Variants in KCNK13 observed in about 807,000 individuals in gnomAD.
KCNK13 encodes the protein potassium two pore domain channel subfamily K member 13.
A neutral mutation model predicts 23.4 loss-of-function variants in KCNK13; 12 were observed. That is an observed-to-expected ratio of 0.51 (90% CI 0.33 to 0.83). KCNK13 has a LOEUF of 0.83. Ranked by LOEUF, KCNK13 falls within the 40% of genes least tolerant of loss-of-function variation. The pLI is 0.02. For synonymous variants in KCNK13, 231 were observed against 229.5 expected (o/e 1.01, Z -0.06); for missense variants, 463 against 556.3 (o/e 0.83, Z 1.69).
chr14:90,074,658 G>T lies in KCNK13; in HGVS notation c.334+12119G>T, dbSNP rs147817593. Among the ~76,000 whole-genome samples, 1,180 of 152,156 alleles carry T rather than the reference G, an allele frequency of 7.8e-3. 19 individuals carry two copies. The highest frequency in any genetic ancestry group is 0.027 in the African/African-American group (1,137 of 41,514). The stretch of plus-strand genomic sequence containing the variant: ...TTTCTCCTTTTTATTTGTTGTTTCT[G>T]TATATCCTGGTGTCTGTATTTATTT... On this transcript the variant is annotated intron_variant, in intron 1 of 1. Transcript: ENST00000282146.
chr14:90,090,271 A>C (rs1237928713), intron 1 of KCNK13, among the ~76,000 whole-genome samples: 2 of 152,264 alleles, frequency 1.3e-5, no homozygotes, highest in African/African-American at 4.8e-5. Flanking sequence ...CTCTTGCATC[A>C]GCATGACCTG....
At chr14:90,134,639 T>C (rs1230005510) in intron 1 of KCNK13, among the ~76,000 whole-genome samples, 1 of 152,204 alleles carries the variant, frequency 6.6e-6, no homozygotes, top group Non-Finnish European at 1.5e-5. Flanking sequence ...TTTACATTAG[T>C]ATAGGATAAT....
At chr14:90,067,155 GC>G (rs1277888548) in intron 1 of KCNK13, among the ~76,000 whole-genome samples, 39 of 152,232 alleles carry the variant, frequency 2.6e-4, no homozygotes, top group African/African-American at 9.2e-4. Flanking sequence ...TGTAGTCCCA[GC>G]TACTTGGGAG....
intron 1 of KCNK13, among the ~76,000 whole-genome samples, chr14:90,104,683 C>T (rs1467417626): frequency 6.6e-6 from 1 of 151,056 alleles, no homozygotes. Context: ...CCAAGGGAGA[C>T]GCCATCCTAC....
At chr14:90,078,610 A>T (rs1889170381) in intron 1 of KCNK13, among the ~76,000 whole-genome samples, 1 of 151,636 alleles carries the variant, frequency 6.6e-6, no homozygotes, top group East Asian at 1.9e-4. Context: ...AAAGAAAGAG[A>T]GGGAGGGAAG....
At chr14:90,091,407 C>G (rs998308294) in intron 1 of KCNK13, among the ~76,000 whole-genome samples, 2 of 152,108 alleles carry the variant, frequency 1.3e-5, no homozygotes, top group African/African-American at 4.8e-5. Context: ...GACCCACTAA[C>G]TGGAAATGGT....
chr14:90,123,463 A>G (rs1278638889), intron 1 of KCNK13, among the ~76,000 whole-genome samples: 1 of 152,118 alleles, frequency 6.6e-6, no homozygotes, highest in African/African-American at 2.4e-5. Flanking sequence ...TCTTGTTTTC[A>G]TTTAAGTACC....
At chr14:90,068,456 G>A (rs1435924389) in intron 1 of KCNK13, among the ~76,000 whole-genome samples, 2 of 152,100 alleles carry the variant, frequency 1.3e-5, no homozygotes, top group Non-Finnish European at 2.9e-5. Flanking sequence ...AAATTAGCCA[G>A]GTGTGGTGGT....
rs1443777060 is a variant in KCNK13, at chr14:90,141,027, C to CT, written c.335-43084_335-43083insT. Reference sequence around the variant, plus strand: ...ATGAGAAGGAAGGGCGTCACTCCGCCACCTGCCACCCCATCCCCTGGAAAT... The same window carrying CT: ...ATGAGAAGGAAGGGCGTCACTCCGCCTACCTGCCACCCCATCCCCTGGAAAT... On this transcript the variant is annotated intron_variant, in intron 1 of 1. Transcript: ENST00000282146. 2.6e-5 allele frequency among the ~76,000 whole-genome samples: 4 copies of CT among 152,174 alleles called. No individual in the cohort carries two copies. The East Asian group carries it at 7.7e-4, about 29-fold the overall frequency.
intron 1 of KCNK13, among the ~76,000 whole-genome samples, chr14:90,104,791 CTTT>C (rs66511223): frequency 3.5e-5 from 4 of 113,510 alleles, no homozygotes; most frequent in Non-Finnish European, 3.5e-5. Context: ...CTTTTCTTTT[CTTT>C]TTTTTTTTTT....
chr14:90,130,179 C>CATTTATTTATTTATTTATTT lies in KCNK13; in HGVS notation c.335-53915_335-53896dup, dbSNP rs60505302. Among the ~76,000 whole-genome samples the CATTTATTTATTTATTTATTT allele has an allele frequency of 1.0e-3, 147 of 142,148 alleles. 1 individual carries two copies. The highest frequency in any genetic ancestry group is 1.3e-3 in the Non-Finnish European group (87 of 65,870). 93.3% of individuals were successfully genotyped at this position (142,148 alleles called of 152,430 possible). ...AGAACTGGAAGAAGATGGAGAAGGA[C>CATTTATTTATTTATTTATTT]ATTTATTTATTTATTTATTTATTTA... is the stretch of plus-strand genomic sequence containing the variant. On this transcript the variant is annotated intron_variant, in intron 1 of 1. Coordinates refer to ENST00000282146, the MANE Select transcript of KCNK13 (RefSeq NM_022054.4).
intron 1 of KCNK13, among the ~76,000 whole-genome samples, chr14:90,142,146 C>G (rs539262787): frequency 5.9e-5 from 9 of 151,958 alleles, no homozygotes; most frequent in Non-Finnish European, 1.2e-4. Flanking sequence ...GCGATCTGCT[C>G]TCTGTCACTA....
At chr14:90,168,847 G>A (rs4904637) in intron 1 of KCNK13, among the ~76,000 whole-genome samples, 36,374 of 152,106 alleles carry the variant, frequency 0.24, 5,695 homozygotes, top group East Asian at 0.64. Flanking sequence ...GTGGGGCCAG[G>A]TGGAGATAAT....
intron 1 of KCNK13, among the ~76,000 whole-genome samples, chr14:90,142,109 C>T (rs1890015018): frequency 6.6e-6 from 1 of 151,388 alleles, no homozygotes; most frequent in Non-Finnish European, 1.5e-5. Flanking sequence ...GTAGCTCACC[C>T]CTCCCTTCCC....
intron 1 of KCNK13, among the ~76,000 whole-genome samples, chr14:90,078,211 G>A (rs1889162801): frequency 6.6e-6 from 1 of 152,120 alleles, no homozygotes; most frequent in African/African-American, 2.4e-5. Flanking sequence ...ACCTAAGTCA[G>A]GAGTTTGAGA....
chr14:90,126,572 C>A (rs371490430), intron 1 of KCNK13, among the ~76,000 whole-genome samples: 2 of 152,030 alleles, frequency 1.3e-5, no homozygotes, highest in East Asian at 1.9e-4. Flanking sequence ...GAGATGGAGT[C>A]TCGCTCTGTC....
At chr14:90,151,165 A>G (rs1890130607) in intron 1 of KCNK13, among the ~76,000 whole-genome samples, 1 of 152,196 alleles carries the variant, frequency 6.6e-6, no homozygotes, top group Non-Finnish European at 1.5e-5. Context: ...TTTTCTTTAT[A>G]AATTACCCAG....
chr14:90,094,687 G>A (rs1367977355), intron 1 of KCNK13, among the ~76,000 whole-genome samples: 2 of 126,210 alleles, frequency 1.6e-5, no homozygotes, highest in African/African-American at 3.1e-5. Flanking sequence ...CCTCACTGTC[G>A]CCCAGGCTGG....
At chr14:90,087,852 T>G (rs930629889) in intron 1 of KCNK13, among the ~76,000 whole-genome samples, 1 of 152,168 alleles carries the variant, frequency 6.6e-6, no homozygotes, top group African/African-American at 2.4e-5. Flanking sequence ...TCTCAGCTAG[T>G]GATGATGTCC....
Sources: gnomAD v4.1 joint callset for allele counts (sites outside exome capture counted in the v4.1 genomes callset) on GRCh38, gnomAD v4.1.1 for gene constraint, MANE v1.5 for transcripts, NCBI Gene and HGNC (gene_info 2026-07-23, HGNC 2026-07-21) for gene names.